STPG2: variants seen among roughly 807,000 people sequenced by gnomAD.
STPG2 encodes the protein sperm-tail PG-rich repeat-containing protein 2.
A neutral mutation model predicts 54.2 loss-of-function variants in STPG2; 56 were observed. The observed-to-expected ratio is 1.03, with a 90% CI of 0.83 to 1.29. STPG2 has a LOEUF of 1.29. Ranked by LOEUF, STPG2 falls within the 50% of genes most tolerant of loss-of-function variation. The pLI is 0.00. For missense variants in STPG2, 596 were observed against 544.9 expected (o/e 1.09, Z -0.93); for synonymous variants, 200 against 181.8 (o/e 1.10, Z -0.81).
intron 10 of STPG2, among the ~76,000 whole-genome samples, chr4:97,691,884 C>T (rs1286698285): frequency 6.6e-6 from 1 of 152,058 alleles, no homozygotes; most frequent in African/African-American, 2.4e-5. Context: ...TTGCAGACAT[C>T]CCCATTACCA....
intron 10 of STPG2, among the ~76,000 whole-genome samples, chr4:97,570,688 CA>C (rs1306703847): frequency 2.6e-5 from 4 of 152,102 alleles, no homozygotes; most frequent in African/African-American, 9.7e-5. Flanking sequence ...AAGGTTTACT[CA>C]CTAACCTTTA....
At chr4:97,773,839 G>A (rs992381914) in intron 9 of STPG2, among the ~76,000 whole-genome samples, 7 of 152,046 alleles carry the variant, frequency 4.6e-5, no homozygotes, top group Admixed American at 3.9e-4. Context: ...GGAAAGATAG[G>A]CACAAATAAA....
intron 9 of STPG2, among the ~76,000 whole-genome samples, chr4:97,810,295 C>A (rs1727695777): frequency 6.6e-6 from 1 of 151,936 alleles, no homozygotes. Context: ...GAAACCCCGT[C>A]TCTACTAAAA....
chr4:97,753,482 T>C (rs1725639555), intron 9 of STPG2, among the ~76,000 whole-genome samples: 1 of 152,044 alleles, frequency 6.6e-6, no homozygotes, highest in African/African-American at 2.4e-5. Context: ...CACTCATCTA[T>C]TGATGGACAC....
intron 9 of STPG2, among the ~76,000 whole-genome samples, chr4:97,791,522 G>A (rs2149080942): frequency 6.6e-6 from 1 of 152,124 alleles, no homozygotes; most frequent in South Asian, 2.1e-4. Flanking sequence ...TAATCCCTGT[G>A]AAATATAGTT....
rs190065521 is a variant in STPG2 at position 98,131,266 on chromosome 4, C to G, written c.223-2674G>C. 4.3e-3 allele frequency among the ~76,000 whole-genome samples: 649 copies of G among 152,240 alleles called. 3 individuals carry two copies. The highest frequency in any genetic ancestry group is 0.025 in the South Asian group (121 of 4,832). ...GCTACTAGTGAACACTGTATTATGG[C>G]TCTAAGATAGCATTTCATTAACAGT... On this transcript the variant is annotated intron_variant, in intron 2 of 10. Coordinates refer to ENST00000295268, the MANE Select transcript of STPG2 (RefSeq NM_174952.3).
At chr4:97,448,329 T>C (rs1418554973) in intron 4 of STPG2, among the ~76,000 whole-genome samples, 1 of 152,092 alleles carries the variant, frequency 6.6e-6, no homozygotes, top group Non-Finnish European at 1.5e-5. Flanking sequence ...TGTTCTGAAA[T>C]GTAAAAAGGA....
chr4:97,722,712 T>C (rs1027723770), intron 9 of STPG2, among the ~76,000 whole-genome samples: 3 of 151,962 alleles, frequency 2.0e-5, no homozygotes, highest in Non-Finnish European at 2.9e-5. Flanking sequence ...CACTTTTGTA[T>C]ACTTTTTTCA....
chr4:97,497,296 A>C (rs1449396071), intron 4 of STPG2, among the ~76,000 whole-genome samples: 2 of 151,808 alleles, frequency 1.3e-5, no homozygotes, highest in Admixed American at 6.6e-5. Context: ...TAATCATTTC[A>C]CTATAATGTG....
At chr4:97,919,594 A>C (rs72892950) in intron 8 of STPG2, among the ~76,000 whole-genome samples, 19,360 of 152,074 alleles carry the variant, frequency 0.13, 1,886 homozygotes, top group African/African-American at 0.26. Context: ...TATATTTCTC[A>C]AAAATTGAAT....
chr4:97,653,472 T>C (rs1722132979), intron 10 of STPG2, among the ~76,000 whole-genome samples: 1 of 151,372 alleles, frequency 6.6e-6, no homozygotes, highest in Non-Finnish European at 1.5e-5. Context: ...AACAAAACAA[T>C]AAAGTGCTAA....
intron 1 of STPG2, among the ~76,000 whole-genome samples, chr4:98,137,727 T>C (rs756524312): frequency 1.3e-5 from 2 of 150,112 alleles, no homozygotes; most frequent in African/African-American, 2.5e-5. Flanking sequence ...CTGAAATTCA[T>C]ATAAAAGTTA....
At chr4:98,117,363 G>C (rs1199581803) in intron 3 of STPG2, among the ~76,000 whole-genome samples, 1 of 151,492 alleles carries the variant, frequency 6.6e-6, no homozygotes, top group Non-Finnish European at 1.5e-5. Context: ...TTTTGTCTTT[G>C]GCTTTCAACA....
intron 10 of STPG2, among the ~76,000 whole-genome samples, chr4:97,670,244 C>A (rs1560711411): frequency 6.6e-6 from 1 of 151,890 alleles, no homozygotes; most frequent in African/African-American, 2.4e-5. Context: ...TTTCCCCATA[C>A]CTTCTCAGTG....
intron 10 of STPG2, among the ~76,000 whole-genome samples, chr4:97,701,883 T>C (rs1001913034): frequency 6.6e-6 from 1 of 152,190 alleles, no homozygotes; most frequent in Non-Finnish European, 1.5e-5. Context: ...CCCTGCCACC[T>C]TGGGATCCAA....
chr4:98,142,793 G>A (rs918259674), intron 1 of STPG2, among the ~76,000 whole-genome samples: 1 of 152,122 alleles, frequency 6.6e-6, no homozygotes, highest in Non-Finnish European at 1.5e-5. Flanking sequence ...TCAAAAGTAG[G>A]ATGTAGACAA....
intron 9 of STPG2, among the ~76,000 whole-genome samples, chr4:97,831,542 T>C (rs891580605): frequency 6.8e-6 from 1 of 147,532 alleles, no homozygotes; most frequent in African/African-American, 2.5e-5. Context: ...ATGAAGGAGA[T>C]AGAGACACAA....
intron 5 of STPG2, among the ~76,000 whole-genome samples, chr4:98,095,780 A>C (rs886686450): frequency 3.3e-5 from 5 of 152,196 alleles, no homozygotes; most frequent in South Asian, 4.1e-4. Context: ...AAAATCAACA[A>C]AGAAACATCA....
At chr4:97,510,289 TATGGAG>T (rs1730944893) in intron 4 of STPG2, among the ~76,000 whole-genome samples, 1 of 152,144 alleles carries the variant, frequency 6.6e-6, no homozygotes, top group Non-Finnish European at 1.5e-5. Context: ...TATATATTGA[TATGGAG>T]AAAGTGTTTA....
Sources: gnomAD v4.1 joint callset for allele counts (sites outside exome capture counted in the v4.1 genomes callset) on GRCh38, gnomAD v4.1.1 for gene constraint, MANE v1.5 for transcripts, NCBI Gene and HGNC (gene_info 2026-07-23, HGNC 2026-07-21) for gene names.